Variants in TMEM131L observed in about 807,000 individuals in gnomAD.
TMEM131L encodes the protein transmembrane protein 131-like.
Under a neutral mutation model 192.2 loss-of-function variants are expected in TMEM131L, and 54 were observed. The observed-to-expected ratio is 0.28, with a 90% CI of 0.23 to 0.35. The LOEUF (loss-of-function observed/expected upper bound fraction) is 0.35, where lower values mean the gene tolerates loss of function less well. Ranked by LOEUF, TMEM131L falls within the 10% of genes least tolerant of loss-of-function variation. TMEM131L has a pLI of 1.00. For missense variants in TMEM131L, 1,888 were observed against 1,972.9 expected (o/e 0.96, Z 0.82); for synonymous variants, 701 against 704.9 (o/e 0.99, Z 0.09).
intron 3 of TMEM131L, among the ~76,000 whole-genome samples, chr4:153,481,751 T>G (rs1731955249): frequency 6.6e-6 from 1 of 152,152 alleles, no homozygotes; most frequent in Admixed American, 6.5e-5. Context: ...TTGCGCAGTC[T>G]TGTCTCGAAC....
At chr4:153,524,391 T>C (rs946319026) in intron 3 of TMEM131L, among the ~76,000 whole-genome samples, 2 of 152,218 alleles carry the variant, frequency 1.3e-5, no homozygotes, top group African/African-American at 2.4e-5. Flanking sequence ...CAACACTTTG[T>C]AAATTTTAAA....
chr4:153,582,433 G>GTTTTTTTTTTTT (rs1038256479), intron 9 of TMEM131L, among the ~76,000 whole-genome samples: 4 of 40,326 alleles, frequency 9.9e-5, no homozygotes, highest in African/African-American at 4.2e-4. Flanking sequence ...TTTTTTTGTT[G>GTTTTTTTTTTTT]TTTTTTTTTT....
At chr4:153,629,293 A>G (rs926557334) in intron 31 of TMEM131L, among the ~76,000 whole-genome samples, 3 of 152,186 alleles carry the variant, frequency 2.0e-5, no homozygotes, top group African/African-American at 7.2e-5. Flanking sequence ...ACAGGCCTTC[A>G]GCAAGCTCCC....
intron 3 of TMEM131L, among the ~76,000 whole-genome samples, chr4:153,505,281 A>AT (rs1438634339): frequency 6.6e-6 from 1 of 151,232 alleles, no homozygotes; most frequent in African/African-American, 2.4e-5. Flanking sequence ...TAATTTTTGT[A>AT]TTTTTTAATG....
At chr4:153,512,269 T>G (rs2150079839) in intron 3 of TMEM131L, among the ~76,000 whole-genome samples, 1 of 152,286 alleles carries the variant, frequency 6.6e-6, no homozygotes, top group Non-Finnish European at 1.5e-5. Context: ...GTGTGAAAAT[T>G]TGAATATTAA....
At chr4:153,552,870 T>C (rs187136991) in intron 4 of TMEM131L, among the ~76,000 whole-genome samples, 3 of 151,946 alleles carry the variant, frequency 2.0e-5, no homozygotes, top group African/African-American at 4.8e-5. Context: ...AGTTTACTTA[T>C]AATGACTAAT....
intron 19 of TMEM131L, among the ~76,000 whole-genome samples, chr4:153,594,338 T>G (rs184392315): frequency 1.3e-5 from 2 of 152,364 alleles, no homozygotes; most frequent in Admixed American, 1.3e-4. Context: ...CTAAAATTCT[T>G]AAGCCTGTGG....
At chr4:153,473,362 C>T (rs917375356) in intron 2 of TMEM131L, among the ~76,000 whole-genome samples, 2 of 152,214 alleles carry the variant, frequency 1.3e-5, no homozygotes, top group Non-Finnish European at 2.9e-5. Flanking sequence ...CGTTTGTCTT[C>T]TAATACAGCC....
At chr4:153,598,493 A>T (rs1242913069) in intron 20 of TMEM131L, 97 bp from the exon 21 acceptor site, 3 of 1,122,086 alleles carry the variant, frequency 2.7e-6, no homozygotes, top group Admixed American at 4.6e-5. Context: ...AAAAAAGTTT[A>T]AAAATATTCT....
At chr4:153,566,767 G>A (rs1018200033) in intron 7 of TMEM131L, among the ~76,000 whole-genome samples, 1 of 152,234 alleles carries the variant, frequency 6.6e-6, no homozygotes, top group Non-Finnish European at 1.5e-5. Flanking sequence ...AAGTTTATGT[G>A]TGGATGAGAG....
Position 153,585,637 on chromosome 4 carries a change from T to G in TMEM131L, c.1311+26T>G, listed in dbSNP as rs755209493. ...GTACATATAGTATTTTTTCCCCAAG[T>G]TTTAGCTTATTTTAAGCTTTGTTTA... On this transcript the variant is annotated intron_variant, in intron 13 of 34. Transcript: ENST00000409959. The G allele has an allele frequency of 1.9e-6, 3 of 1,540,948 alleles. No homozygotes were observed. The Admixed American group carries it at 5.6e-5, about 29-fold the overall frequency.
At chr4:153,488,714 C>T (rs1256516123) in intron 3 of TMEM131L, among the ~76,000 whole-genome samples, 2 of 152,220 alleles carry the variant, frequency 1.3e-5, no homozygotes, top group East Asian at 1.9e-4. Flanking sequence ...CCACAAACTG[C>T]GCGGCTTTAG....
At chr4:153,618,085 A>ACTTATACAC (rs1163030946) in intron 26 of TMEM131L, among the ~76,000 whole-genome samples, 19 of 152,198 alleles carry the variant, frequency 1.2e-4, no homozygotes. Flanking sequence ...GAGTGGCTTT[A>ACTTATACAC]AGAATGACTT....
intron 3 of TMEM131L, among the ~76,000 whole-genome samples, chr4:153,510,195 C>T (rs1057129416): frequency 3.3e-5 from 5 of 152,104 alleles, no homozygotes; most frequent in South Asian, 2.1e-4. Flanking sequence ...TCCATCTGCC[C>T]CAGAACTCAA....
chr4:153,473,856 A>G lies in TMEM131L; in HGVS notation c.207A>G (p.Glu69=), dbSNP rs750879666. 1 of 1,545,466 alleles carries G rather than the reference A, an allele frequency of 6.5e-7. No homozygotes were observed. Among genetic ancestry groups the G allele is most frequent in the South Asian group, 1.2e-5 (1 of 82,406 alleles). The change falls in exon 3 of 35, where the codon GAA becomes GAG. Residue 69 remains glutamate, a synonymous_variant. Coordinates refer to ENST00000409959, the MANE Select transcript of TMEM131L (RefSeq NM_001131007.2). ...TTCTTTTTCAATAGGGTGATTCTGA[A>G]GAGGGTCTGGAGGAGCCTTCTCAAG... The part of the protein sequence containing the change: ...ELLLPTQGDS[E]EGLEEPSQEQ...
intron 1 of TMEM131L, among the ~76,000 whole-genome samples, chr4:153,466,853 G>C (rs2149688084): frequency 6.6e-6 from 1 of 152,240 alleles, no homozygotes; most frequent in East Asian, 1.9e-4. Flanking sequence ...CAGCGGCCCG[G>C]CTTCCTGCAG....
intron 25 of TMEM131L, among the ~76,000 whole-genome samples, chr4:153,611,932 T>C (rs963244494): frequency 1.3e-5 from 2 of 152,214 alleles, no homozygotes; most frequent in Non-Finnish European, 2.9e-5. Flanking sequence ...ATACCATATT[T>C]TGTTTATCCA....
chr4:153,508,208 A>G (rs1200144336), intron 3 of TMEM131L, among the ~76,000 whole-genome samples: 3 of 152,222 alleles, frequency 2.0e-5, no homozygotes, highest in African/African-American at 4.8e-5. Flanking sequence ...ATTTGGGTGT[A>G]TGTGAATAAT....
intron 28 of TMEM131L, 70 bp downstream of exon 28, chr4:153,621,919 T>C (rs12505606): frequency 0.028 from 40,033 of 1,437,600 alleles, 957 homozygotes; most frequent in Admixed American, 0.12. Flanking sequence ...AAGTATCTAA[T>C]AAGAGAAATG....
Sources: allele counts gnomAD v4.1 joint callset (sites outside exome capture counted in the v4.1 genomes callset), GRCh38; gene constraint gnomAD v4.1.1; transcripts MANE v1.5; gene names NCBI Gene and HGNC (gene_info 2026-07-23, HGNC 2026-07-21).